The following PPP2R3A variants were observed in gnomAD, a reference collection of about 807,000 sequenced individuals.
PPP2R3A encodes serine/threonine-protein phosphatase 2A regulatory subunit B'' subunit alpha.
A neutral mutation model predicts 106.9 loss-of-function variants in PPP2R3A; 80 were observed. That is an observed-to-expected ratio of 0.75 (90% CI 0.62 to 0.90). The LOEUF is 0.90. PPP2R3A is among the 40% of genes least tolerant of loss of function. The probability of loss-of-function intolerance (pLI) is 0.00; values close to 1 mark genes in which losing one functional copy is unlikely to be tolerated. For missense variants in PPP2R3A, 1,386 were observed against 1,350.4 expected, an observed-to-expected ratio of 1.03 and a Z score of -0.41; for synonymous variants, 483 against 468.3, an observed-to-expected ratio of 1.03 and a Z score of -0.41.
At chr3:135,972,278 C>T (rs1377765982) in intron 1 of PPP2R3A, among the ~76,000 whole-genome samples, 1 of 152,196 alleles carries the variant, frequency 6.6e-6, no homozygotes, top group Non-Finnish European at 1.5e-5. Flanking sequence ...ATACGAGGTT[C>T]ACTCAGGTTG....
intron 13 of PPP2R3A, among the ~76,000 whole-genome samples, chr3:136,132,627 C>G (rs934153427): frequency 2.0e-5 from 3 of 151,656 alleles, no homozygotes; most frequent in African/African-American, 7.3e-5. Flanking sequence ...TTAAAGAAGA[C>G]CTAAATAACT....
At chr3:136,083,293 G>A (rs1936836909) in intron 8 of PPP2R3A, among the ~76,000 whole-genome samples, 1 of 152,124 alleles carries the variant, frequency 6.6e-6, no homozygotes, top group African/African-American at 2.4e-5. Context: ...GGGACCTGGT[G>A]GCAGGTAATT....
intron 1 of PPP2R3A, among the ~76,000 whole-genome samples, chr3:135,993,153 T>C (rs1032062670): frequency 1.1e-4 from 17 of 151,880 alleles, no homozygotes; most frequent in Non-Finnish European, 2.2e-4. Context: ...GCTAAGAAAA[T>C]GGAAAGAGAA....
chr3:136,002,575 T>A lies in PPP2R3A; in HGVS notation c.1077T>A (p.Asn359Lys). The A allele has an allele frequency of 6.2e-7, 1 of 1,613,962 alleles. No individual in the cohort carries two copies. Among genetic ancestry groups the A allele is most frequent in the South Asian group, 1.1e-5 (1 of 91,068 alleles). ...TTGAATTGCAAAATGACAAGCCTAA[T>A]TCTAGGAAGATGGACACTGTACAAT... The part of the protein sequence containing the change: ...QTIELQNDKP[N>K]SRKMDTVQSI... Residue 359 changes from asparagine to lysine, a missense_variant, in exon 2 of 14, where the codon AAT becomes AAA. Transcript: ENST00000264977.
intron 13 of PPP2R3A, among the ~76,000 whole-genome samples, chr3:136,120,017 T>G (rs1576325718): frequency 6.6e-6 from 1 of 151,778 alleles, no homozygotes; most frequent in Admixed American, 6.6e-5. Context: ...TGGAATACTA[T>G]GCAGCCATAA....
At chr3:136,021,858 A>G (rs1934477913) in intron 2 of PPP2R3A, among the ~76,000 whole-genome samples, 1 of 151,880 alleles carries the variant, frequency 6.6e-6, no homozygotes, top group Non-Finnish European at 1.5e-5. Flanking sequence ...AGCTATTTAC[A>G]TAATACTTAT....
intron 13 of PPP2R3A, among the ~76,000 whole-genome samples, chr3:136,107,519 TAG>T (rs1313144189): frequency 1.4e-5 from 2 of 144,616 alleles, no homozygotes; most frequent in Non-Finnish European, 1.5e-5. Flanking sequence ...GGCATAGAGA[TAG>T]AGGAAGAGCA....
chr3:136,005,090 A>G (rs904722482), intron 2 of PPP2R3A, among the ~76,000 whole-genome samples: 3 of 152,172 alleles, frequency 2.0e-5, no homozygotes, highest in Non-Finnish European at 4.4e-5. Context: ...GGGCACCAAC[A>G]TGATGCCACA....
chr3:135,978,308 A>ACTC (rs2107755505), intron 1 of PPP2R3A, among the ~76,000 whole-genome samples: 1 of 151,172 alleles, frequency 6.6e-6, no homozygotes, highest in East Asian at 1.9e-4. Flanking sequence ...AGGTAAAGGT[A>ACTC]CTCTGTTGAA....
chr3:136,102,557 G>T (rs1937406073), intron 11 of PPP2R3A, among the ~76,000 whole-genome samples: 1 of 151,974 alleles, frequency 6.6e-6, no homozygotes, highest in South Asian at 2.1e-4. Flanking sequence ...ATGTTGGCCA[G>T]GCTGGTCTCG....
At chr3:136,020,624 ATTTT>A (rs1934432751) in intron 2 of PPP2R3A, among the ~76,000 whole-genome samples, 2 of 151,864 alleles carry the variant, frequency 1.3e-5, no homozygotes, top group Non-Finnish European at 2.9e-5. Context: ...CCACGCTTAT[ATTTT>A]GTTAGTTTAT....
At position 136,129,081 on chromosome 3, in the gene PPP2R3A, C is replaced by T. The variant is rs56655996; in HGVS notation, c.3330-15962C>T. 4.3e-3 allele frequency among the ~76,000 whole-genome samples: 653 copies of T among 151,794 alleles called. 6 individuals are homozygous for T. Among genetic ancestry groups the T allele is most frequent in the African/African-American group, 0.014 (593 of 41,406 alleles). ...AGAGAAAGCAGGAAAGATCTAAAATCGACACCCTAACATCACAATTAAAAG... is the reference window on the plus strand; with the variant it reads ...AGAGAAAGCAGGAAAGATCTAAAATTGACACCCTAACATCACAATTAAAAG... On this transcript the variant is annotated intron_variant, in intron 13 of 13. Coordinates refer to ENST00000264977, the MANE Select transcript of PPP2R3A (RefSeq NM_002718.5).
At chr3:136,116,359 A>G (rs552587466) in intron 13 of PPP2R3A, among the ~76,000 whole-genome samples, 1 of 152,230 alleles carries the variant, frequency 6.6e-6, no homozygotes. Flanking sequence ...ACTAGCTAGC[A>G]TCATAATGAC....
chr3:136,052,817 T>C (rs1197664145), intron 5 of PPP2R3A, among the ~76,000 whole-genome samples: 1 of 152,170 alleles, frequency 6.6e-6, no homozygotes, highest in African/African-American at 2.4e-5. Context: ...ACAAACTAAA[T>C]AGAGACATTA....
intron 1 of PPP2R3A, among the ~76,000 whole-genome samples, chr3:135,984,256 A>ATAG (rs1295429495): frequency 6.6e-6 from 1 of 152,196 alleles, no homozygotes; most frequent in African/African-American, 2.4e-5. Context: ...TAATATAGAC[A>ATAG]TAGTATATGA....
Position 136,078,248 on chromosome 3 carries a change from T to A in PPP2R3A, c.2545-119T>A, listed in dbSNP as rs557576683. Reference sequence around the variant, plus strand: ...GCTGATTTTTACTAGGAATTACACTTAACATAATCAAAAAGCTAAAAGTTA... The same window carrying A: ...GCTGATTTTTACTAGGAATTACACTAAACATAATCAAAAAGCTAAAAGTTA... On this transcript the variant is annotated intron_variant, in intron 6 of 13. Transcript: ENST00000264977. 2.2e-5 allele frequency: 16 copies of A among 711,834 alleles called. No individual in the cohort carries two copies. In the South Asian group the frequency reaches 2.7e-4, roughly 12 times the overall value. 44.1% of individuals were successfully genotyped at this position (711,834 alleles called of 1,614,324 possible).
chr3:135,972,308 A>T (rs1263647665), intron 1 of PPP2R3A, among the ~76,000 whole-genome samples: 2 of 152,168 alleles, frequency 1.3e-5, no homozygotes, highest in Non-Finnish European at 2.9e-5. Context: ...TCAGTACTTC[A>T]TTCTTTCTTT....
rs141630671 is a variant in PPP2R3A at position 135,992,483 on chromosome 3, ACTCTG to A, written c.-440-8572_-440-8568del. On this transcript the variant is annotated intron_variant, in intron 1 of 13. Transcript: ENST00000264977. Reference sequence around the variant, plus strand: ...AAGCAGTGGAATTTCTTTACCTCATACTCTGCTCCAGATGTTTCCTGAAGTGGAAC... The same window carrying A: ...AAGCAGTGGAATTTCTTTACCTCATACTCCAGATGTTTCCTGAAGTGGAAC... Among the ~76,000 whole-genome samples, 667 of 152,144 alleles carry A rather than the reference ACTCTG, an allele frequency of 4.4e-3. 4 individuals are homozygous for A. The highest frequency in any genetic ancestry group is 0.015 in the African/African-American group (637 of 41,480).
Position 136,027,082 on chromosome 3 carries a change from T to C in PPP2R3A, c.2246T>C (p.Met749Thr), listed in dbSNP as rs1330352854. 4.3e-6 allele frequency: 7 copies of C among 1,612,714 alleles called. No individual in the cohort carries two copies. The highest frequency in any genetic ancestry group is 5.9e-6 in the Non-Finnish European group (7 of 1,179,392). The change falls in exon 3 of 14, where the codon ATG becomes ACG. Residue 749 changes from methionine to threonine, a missense_variant. Coordinates refer to ENST00000264977, the MANE Select transcript of PPP2R3A (RefSeq NM_002718.5). The stretch of plus-strand genomic sequence containing the variant: ...GAACAGAAAGCAGACATTTATGAAA[T>C]GGGGAAAATTGCAAAGGTAATGTAA... ...IEEQKADIYE[M>T]GKIAKVCGCP...
Sources: allele counts gnomAD v4.1 joint callset (sites outside exome capture counted in the v4.1 genomes callset), GRCh38; gene constraint gnomAD v4.1.1; transcripts MANE v1.5; gene names NCBI Gene and HGNC (gene_info 2026-07-23, HGNC 2026-07-21).